The following SGCZ variants were observed in gnomAD, a reference collection of about 807,000 sequenced individuals.
The protein encoded by SGCZ is sarcoglycan zeta.
In SGCZ, 40 loss-of-function variants were observed where a neutral mutation model predicts 41.3. The observed-to-expected ratio is 0.97, with a 90% CI of 0.75 to 1.26. The LOEUF (loss-of-function observed/expected upper bound fraction) is 1.26. Ranked by LOEUF, SGCZ falls within the 50% of genes most tolerant of loss-of-function variation. The probability of loss-of-function intolerance (pLI) is 0.00; values close to 1 mark genes in which losing one functional copy is unlikely to be tolerated. For missense variants in SGCZ, 552 were observed against 369.8 expected (o/e 1.49, Z -4.04); for synonymous variants, 206 against 137.5 (o/e 1.50, Z -3.49).
At chr8:14,713,294 C>G (rs377634162) in intron 1 of SGCZ, among the ~76,000 whole-genome samples, 2 of 152,130 alleles carry the variant, frequency 1.3e-5, no homozygotes, top group African/African-American at 4.8e-5. Flanking sequence ...GAGTAACTTA[C>G]ATTTTCAGAT....
intron 1 of SGCZ, among the ~76,000 whole-genome samples, chr8:15,110,554 G>A (rs7842009): frequency 0.42 from 63,766 of 152,132 alleles, 13,484 homozygotes; most frequent in South Asian, 0.5. Flanking sequence ...TCACCAAAGT[G>A]AAATCAAAGC....
At chr8:15,185,643 C>CGGAT (rs1354271331) in intron 1 of SGCZ, among the ~76,000 whole-genome samples, 4 of 152,138 alleles carry the variant, frequency 2.6e-5, no homozygotes, top group Non-Finnish European at 5.9e-5. Context: ...GCACAGAATA[C>CGGAT]ATCCTCTTCG....
chr8:15,115,869 T>A (rs1201928207), intron 1 of SGCZ, among the ~76,000 whole-genome samples: 1 of 152,184 alleles, frequency 6.6e-6, no homozygotes, highest in African/African-American at 2.4e-5. Context: ...TTGAAAATAA[T>A]AAAGTAATAA....
intron 3 of SGCZ, among the ~76,000 whole-genome samples, chr8:14,258,080 A>C (rs1298067293): frequency 6.6e-6 from 1 of 152,218 alleles, no homozygotes; most frequent in Non-Finnish European, 1.5e-5. Context: ...CTACCAAAGT[A>C]GTGAGGCTGT....
At chr8:14,726,621 G>T (rs1381611061) in intron 1 of SGCZ, among the ~76,000 whole-genome samples, 2 of 151,716 alleles carry the variant, frequency 1.3e-5, no homozygotes, top group South Asian at 2.1e-4. Context: ...ACAATTTTGA[G>T]AAATTATTAA....
At chr8:14,284,460 T>C (rs7004371) in intron 3 of SGCZ, among the ~76,000 whole-genome samples, 149,476 of 152,326 alleles carry the variant, frequency 0.98, 73,407 homozygotes, top group East Asian at 1. Context: ...TTGGTGGATG[T>C]GCACATATAT....
At chr8:14,807,906 G>C (rs1801599568) in intron 1 of SGCZ, among the ~76,000 whole-genome samples, 1 of 151,976 alleles carries the variant, frequency 6.6e-6, no homozygotes, top group South Asian at 2.1e-4. Context: ...GAACAGAACA[G>C]AGCCCTCAGA....
At chr8:14,960,965 T>A (rs77515540) in intron 1 of SGCZ, among the ~76,000 whole-genome samples, 3,246 of 109,612 alleles carry the variant, frequency 0.03, 111 homozygotes, top group African/African-American at 0.12. Flanking sequence ...ACACACACAC[T>A]CACTCAAGCA....
chr8:14,275,578 T>C (rs1441901010), intron 3 of SGCZ, among the ~76,000 whole-genome samples: 6 of 152,054 alleles, frequency 3.9e-5, no homozygotes, highest in Admixed American at 3.9e-4. Context: ...AGGGGAAACA[T>C]AAAAGGAAAG....
At chr8:14,718,509 G>C (rs1809771658) in intron 1 of SGCZ, among the ~76,000 whole-genome samples, 1 of 152,016 alleles carries the variant, frequency 6.6e-6, no homozygotes, top group Non-Finnish European at 1.5e-5. Flanking sequence ...ATAAAGAAGA[G>C]TCTTATAAAT....
At chr8:14,751,816 A>G (rs1328575213) in intron 1 of SGCZ, among the ~76,000 whole-genome samples, 28 of 158 alleles carry the variant, frequency 0.18, no homozygotes, top group Admixed American at 0.42. Context: ...CCAAAGTGCT[A>G]GGATTACAGG....
intron 1 of SGCZ, among the ~76,000 whole-genome samples, chr8:14,563,726 C>A (rs762060357): frequency 2.0e-5 from 3 of 152,102 alleles, no homozygotes; most frequent in Admixed American, 6.5e-5. Context: ...AAAGAACTCT[C>A]GAGCTTTGTA....
chr8:14,600,734 T>A (rs1426308708), intron 1 of SGCZ, among the ~76,000 whole-genome samples: 1 of 152,198 alleles, frequency 6.6e-6, no homozygotes, highest in Non-Finnish European at 1.5e-5. Flanking sequence ...TACACATGCA[T>A]CATTTTAAAT....
intron 1 of SGCZ, among the ~76,000 whole-genome samples, chr8:15,051,227 G>C (rs1804502045): frequency 1.3e-5 from 2 of 152,112 alleles, no homozygotes; most frequent in South Asian, 2.1e-4. Flanking sequence ...GAGGCACAAA[G>C]GGGTAAAAAT....
At chr8:14,465,863 T>C (rs1423126408) in intron 2 of SGCZ, among the ~76,000 whole-genome samples, 1 of 151,912 alleles carries the variant, frequency 6.6e-6, no homozygotes, top group Non-Finnish European at 1.5e-5. Context: ...AAATGATTTT[T>C]AATACATTAG....
At chr8:14,445,178 C>T (rs1800395721) in intron 2 of SGCZ, among the ~76,000 whole-genome samples, 1 of 152,194 alleles carries the variant, frequency 6.6e-6, no homozygotes, top group African/African-American at 2.4e-5. Context: ...TAGACAAATG[C>T]CTAGGCAGAT....
At chr8:14,499,953 C>T (rs1008127705) in intron 2 of SGCZ, among the ~76,000 whole-genome samples, 1 of 152,070 alleles carries the variant, frequency 6.6e-6, no homozygotes, top group Non-Finnish European at 1.5e-5. Context: ...TTTCTTCATA[C>T]TCTACCACCT....
In SGCZ at chr8:14,470,548, CCA is replaced by C. The variant is rs149559206; in HGVS notation, c.234+84182_234+84183del. ...AATTCCAGACCCAATATTCCTAACCCCAGTTTTCTTGGAGAATTGCTTGAAAA... is the reference window on the plus strand; with the variant it reads ...AATTCCAGACCCAATATTCCTAACCCGTTTTCTTGGAGAATTGCTTGAAAA... On this transcript the variant is annotated intron_variant, in intron 2 of 7. Coordinates refer to ENST00000382080, the MANE Select transcript of SGCZ (RefSeq NM_139167.4). Among the ~76,000 whole-genome samples the C allele has an allele frequency of 4.0e-3, 601 of 151,988 alleles. 4 individuals carry two copies. The highest frequency in any genetic ancestry group is 0.014 in the African/African-American group (564 of 41,464).
intron 2 of SGCZ, among the ~76,000 whole-genome samples, chr8:14,520,500 T>A (rs1301139120): frequency 6.6e-6 from 1 of 152,146 alleles, no homozygotes; most frequent in Non-Finnish European, 1.5e-5. Context: ...GGACCCCAAA[T>A]ATATTTTAAA....
Sources: allele counts gnomAD v4.1 joint callset (sites outside exome capture counted in the v4.1 genomes callset), GRCh38; gene constraint gnomAD v4.1.1; transcripts MANE v1.5; gene names NCBI Gene and HGNC (gene_info 2026-07-23, HGNC 2026-07-21).